The following TMEM175 variants were observed in gnomAD, a reference collection of about 807,000 sequenced individuals.
The protein encoded by TMEM175 is endosomal/lysosomal proton channel TMEM175.
Under a neutral mutation model 36.5 loss-of-function variants are expected in TMEM175, and 36 were observed. That is an observed-to-expected ratio of 0.99 (90% CI 0.76 to 1.30). The LOEUF is 1.30. TMEM175 is among the 50% of genes most tolerant of loss of function. The pLI is 0.00. For synonymous variants in TMEM175, 339 were observed against 313.4 expected (o/e 1.08, Z -0.86); for missense variants, 705 against 692.8 (o/e 1.02, Z -0.20).
At chr4:942,510 T>C (rs1209660976) in intron 1 of TMEM175, among the ~76,000 whole-genome samples, 1 of 152,232 alleles carries the variant, frequency 6.6e-6, no homozygotes, top group Non-Finnish European at 1.5e-5. Flanking sequence ...CTATATTCCA[T>C]TGGTCTGTGT....
intron 10 of TMEM175, 118 bp downstream of exon 10, chr4:956,008 A>T: frequency 7.7e-7 from 1 of 1,306,840 alleles, no homozygotes; most frequent in Non-Finnish European, 1.1e-6. Flanking sequence ...CCTCCTCTGG[A>T]TGCCTAGAGT....
rs1728365808 is a variant in TMEM175 at position 947,788 on chromosome 4, T to G, written c.49T>G (p.Cys17Gly). The change falls in exon 2 of 11, where the codon TGC becomes GGC. Residue 17 changes from cysteine to glycine, a missense_variant. Coordinates refer to ENST00000264771, the MANE Select transcript of TMEM175 (RefSeq NM_032326.4). ...PEQALDTPGD[C>G]PPGRRDEDAG... ...GCAGGCACTGGATACACCGGGGGAC[T>G]GCCCCCCAGGCAGGAGAGACGAGGA... 10 of 1,612,898 alleles carry G rather than the reference T, an allele frequency of 6.2e-6. No homozygotes were observed. The highest frequency in any genetic ancestry group is 8.5e-6 in the Non-Finnish European group (10 of 1,179,920).
intron 10 of TMEM175, chr4:956,303 C>T: frequency 7.8e-7 from 1 of 1,283,414 alleles, no homozygotes; most frequent in Non-Finnish European, 1.0e-6. Flanking sequence ...CCAGTGCCCC[C>T]CATCGCTTCG....
chr4:956,097 C>A (rs1393041050), intron 10 of TMEM175, among the ~76,000 whole-genome samples: 1 of 152,016 alleles, frequency 6.6e-6, no homozygotes, highest in Non-Finnish European at 1.5e-5. Context: ...CGGCCCCTCC[C>A]TTCCCAGCGG....
At position 947,903 on chromosome 4, in the gene TMEM175, G is replaced by A; in HGVS notation, c.153+11G>A. On this transcript the variant is annotated intron_variant, in intron 2 of 10. Transcript: ENST00000264771. ...ATCGCCACCGTCATGGTCTGTACGG[G>A]GCCCCTGCTTAGGCCTGCCCCACCC... 2 of 1,613,820 alleles carry A rather than the reference G, an allele frequency of 1.2e-6. No homozygotes were observed. Among genetic ancestry groups the A allele is most frequent in the Non-Finnish European group, 1.7e-6 (2 of 1,180,004 alleles).
chr4:950,596 C>G, intron 4 of TMEM175, 78 bp downstream of exon 4: 2 of 1,135,622 alleles, frequency 1.8e-6, no homozygotes, highest in Non-Finnish European at 2.7e-6. Flanking sequence ...CGCACGGGTC[C>G]ATGGGGTCGG....
chr4:955,595 G>A, intron 9 of TMEM175, 112 bp downstream of exon 9: 1 of 1,434,242 alleles, frequency 7.0e-7, no homozygotes, highest in Non-Finnish European at 9.6e-7. Flanking sequence ...CGTGGTGGTG[G>A]CTGGGGCTCC....
In TMEM175 at chr4:932,535, G is replaced by A. The variant is rs993920587; in HGVS notation, c.-37G>A. 11 of 454,610 alleles carry A rather than the reference G, an allele frequency of 2.4e-5. No individual in the cohort carries two copies. Among genetic ancestry groups the A allele is most frequent in the East Asian group, 1.4e-4 (4 of 27,824 alleles). The allele number at this position is 454,610 out of a possible 1,614,324, so 28.2% of individuals were successfully genotyped here. A position where few individuals can be genotyped will look rare whatever the true frequency, so the allele number is the denominator to read the frequency against. ...CGGAACAGTCGCCGAGGCGATTCCC[G>A]CCCAGGTAGTTCAGCGCCCCAGTCC... is the stretch of plus-strand genomic sequence containing the variant. On this transcript the variant is annotated 5_prime_UTR_variant, in exon 1 of 11. Coordinates refer to ENST00000264771, the MANE Select transcript of TMEM175 (RefSeq NM_032326.4). The surrounding 1 kb of genome is among the most constrained non-coding windows in gnomAD (Gnocchi z 4.0).
At chr4:942,152 G>A (rs774089837) in intron 1 of TMEM175, among the ~76,000 whole-genome samples, 11 of 151,202 alleles carry the variant, frequency 7.3e-5, no homozygotes, top group African/African-American at 2.4e-4. Context: ...TCCGCCTCCC[G>A]GGTTCAAGCG....
intron 8 of TMEM175, among the ~76,000 whole-genome samples, chr4:954,693 T>C (rs1236498372): frequency 2.6e-5 from 4 of 152,216 alleles, no homozygotes; most frequent in African/African-American, 7.2e-5. Context: ...TTCTGTTTAA[T>C]TTTTTAAGTT....
intron 6 of TMEM175, 130 bp downstream of exon 6, chr4:951,847 C>A: frequency 9.7e-7 from 1 of 1,034,208 alleles, no homozygotes; most frequent in Non-Finnish European, 1.5e-6. Context: ...AGAGAAGGTT[C>A]TGGGGAGAGC....
In TMEM175 at chr4:953,279, C is replaced by T. The variant is rs377579099; in HGVS notation, c.552C>T (p.His184=). The change falls in exon 8 of 11, where the codon CAC becomes CAT. Residue 184 remains histidine, a synonymous_variant. Transcript: ENST00000264771. ...CCCACAGGGCTCTGTACCGACGACA[C>T]GTCCTGGGCATCGTCCTCCAAGGCC... The part of the protein sequence containing the change: ...RSAHRALYRR[H]VLGIVLQGPA... 10 of 1,613,966 alleles carry T rather than the reference C, an allele frequency of 6.2e-6. No individual in the cohort carries two copies. The highest frequency in any genetic ancestry group is 3.3e-5 in the South Asian group (3 of 91,080).
Position 948,569 on chromosome 4 carries a change from G to A in TMEM175, c.192+415G>A, listed in dbSNP as rs768322578. The A allele has an allele frequency of 3.2e-5, 43 of 1,323,808 alleles. No homozygotes were observed. In the East Asian group the frequency reaches 1.4e-3, roughly 43 times the overall value. 82.0% of individuals were successfully genotyped at this position (1,323,808 alleles called of 1,614,324 possible). On this transcript the variant is annotated intron_variant, in intron 3 of 10. Transcript: ENST00000264771. ...TCTGAGTAAACGCGGCCAGCGCCCC[G>A]TCTCAGCGGGGACACTCCCACCCCG...
intron 8 of TMEM175, among the ~76,000 whole-genome samples, chr4:954,458 A>G (rs975639732): frequency 1.3e-5 from 2 of 151,770 alleles, no homozygotes; most frequent in Admixed American, 6.6e-5. Flanking sequence ...CAACAAAAGC[A>G]CTGCTGGAGA....
At position 951,225 on chromosome 4, in the gene TMEM175, GA is replaced by G. The variant is rs769763237; in HGVS notation, c.313del (p.Thr105GlnfsTer13). 2 of 1,613,968 alleles carry G rather than the reference GA, an allele frequency of 1.2e-6. No homozygotes were observed. Among genetic ancestry groups the G allele is most frequent in the African/African-American group, 1.3e-5 (1 of 74,882 alleles). On this transcript the variant is annotated frameshift_variant, in exon 5 of 11. Coordinates refer to ENST00000264771, the MANE Select transcript of TMEM175 (RefSeq NM_032326.4). LOFTEE classifies it high-confidence loss of function. Reference sequence around the variant, plus strand: ...GGTTTAGGTTGTTCCAAGTTGTTGGGAAAACAGACGACACACTTGCCCTGCT... The same window carrying G: ...GGTTTAGGTTGTTCCAAGTTGTTGGGAAACAGACGACACACTTGCCCTGCT... ...AHTRLFQVVGKTDDTLALLNL... is the reference protein window; with the variant it reads ...AHTRLFQVVGXTDDTLALLNL...
intron 5 of TMEM175, 106 bp from the exon 6 acceptor site, chr4:951,576 T>C: frequency 8.2e-6 from 12 of 1,459,406 alleles, no homozygotes; most frequent in Non-Finnish European, 1.0e-5. Context: ...TGGCCCACCC[T>C]TCTTGGGGAG....
intron 10 of TMEM175, 125 bp from the exon 11 acceptor site, chr4:957,699 A>G (rs543341040): frequency 2.3e-6 from 2 of 879,462 alleles, no homozygotes; most frequent in East Asian, 4.9e-5. Context: ...GCACACTGGG[A>G]AGTCCACATG....
At chr4:950,902 A>AGGTGTGGAT (rs878982713) in intron 4 of TMEM175, among the ~76,000 whole-genome samples, 1 of 136,750 alleles carries the variant, frequency 7.3e-6, no homozygotes, top group Non-Finnish European at 1.5e-5. Context: ...CAATAGGTGG[A>AGGTGTGGAT]GGTGTGGATG....
At chr4:948,200 A>G (rs375971039) in intron 3 of TMEM175, 46 bp downstream of exon 3, 5 of 1,613,860 alleles carry the variant, frequency 3.1e-6, no homozygotes, top group Non-Finnish European at 3.4e-6. Flanking sequence ...CTGCGAAGAT[A>G]TAGGGTCCCC....
Sources: gnomAD v4.1 joint callset for allele counts (sites outside exome capture counted in the v4.1 genomes callset) on GRCh38, gnomAD v4.1.1 for gene constraint, Gnocchi (gnomAD v3.1) non-coding constraint, MANE v1.5 for transcripts, NCBI Gene and HGNC (gene_info 2026-07-23, HGNC 2026-07-21) for gene names.